SLC24A3: variants seen among roughly 807,000 people sequenced by gnomAD.
SLC24A3 encodes sodium/potassium/calcium exchanger 3.
SLC24A3 carries 28 observed loss-of-function variants against 75.8 expected under a neutral mutation model. The observed-to-expected ratio is 0.37, with a 90% confidence interval of 0.27 to 0.51. The LOEUF (loss-of-function observed/expected upper bound fraction) is 0.51, where lower values mean the gene tolerates loss of function less well. Among genes scored for constraint, SLC24A3 ranks in the 20% least tolerant of loss-of-function variants. The pLI is 0.94. For synonymous variants in SLC24A3, 372 were observed against 334.1 expected, an observed-to-expected ratio of 1.11 and a Z score of -1.24; for missense variants, 663 against 847.8, an observed-to-expected ratio of 0.78 and a Z score of 2.71.
At chr20:19,455,363 A>C (rs1259259317) in intron 2 of SLC24A3, among the ~76,000 whole-genome samples, 1 of 152,174 alleles carries the variant, frequency 6.6e-6, no homozygotes, top group Non-Finnish European at 1.5e-5. Context: ...GGTTAGATGG[A>C]TGAGATGTGA....
At chr20:19,413,232 G>A (rs1986775225) in intron 2 of SLC24A3, among the ~76,000 whole-genome samples, 2 of 152,154 alleles carry the variant, frequency 1.3e-5, no homozygotes, top group South Asian at 4.1e-4. Flanking sequence ...ACCATTTTCT[G>A]AAAACAGAAA....
chr20:19,663,793 GT>G (rs1484867672), intron 7 of SLC24A3, among the ~76,000 whole-genome samples: 1 of 152,054 alleles, frequency 6.6e-6, no homozygotes, highest in Non-Finnish European at 1.5e-5. Flanking sequence ...TTGTGCTCCT[GT>G]TTGGGGTCCC....
chr20:19,413,739 A>T (rs1195847702), intron 2 of SLC24A3, among the ~76,000 whole-genome samples: 2 of 152,222 alleles, frequency 1.3e-5, no homozygotes, highest in East Asian at 3.8e-4. Flanking sequence ...CCAGGACAGG[A>T]ATATTTTAGT....
At chr20:19,351,339 A>G (rs1985560533) in intron 2 of SLC24A3, among the ~76,000 whole-genome samples, 1 of 152,054 alleles carries the variant, frequency 6.6e-6, no homozygotes, top group Non-Finnish European at 1.5e-5. Flanking sequence ...TTTCACCTTC[A>G]CATCATCAGC....
intron 16 of SLC24A3, among the ~76,000 whole-genome samples, chr20:19,720,053 C>CTAACA (rs1177246237): frequency 1.6e-5 from 1 of 62,868 alleles, no homozygotes; most frequent in East Asian, 2.1e-3. Context: ...ATGAGTGACA[C>CTAACA]TAAGATAAGA....
intron 6 of SLC24A3, among the ~76,000 whole-genome samples, chr20:19,624,542 G>C (rs750183219): frequency 1.3e-4 from 20 of 152,052 alleles, no homozygotes; most frequent in Non-Finnish European, 2.4e-4. Flanking sequence ...CATGGTGATG[G>C]CAAAAATACA....
At position 19,212,975 on chromosome 20, in the gene SLC24A3, G is replaced by C; in HGVS notation, c.133G>C (p.Glu45Gln). 2 of 1,294,596 alleles carry C rather than the reference G, an allele frequency of 1.5e-6. No homozygotes were observed. Among genetic ancestry groups the C allele is most frequent in the Non-Finnish European group, 2.0e-6 (2 of 1,019,114 alleles). 80.2% of individuals were successfully genotyped at this position (1,294,596 alleles called of 1,614,324 possible). A position where few individuals can be genotyped will look rare whatever the true frequency, so the allele number is the denominator to read the frequency against. ...GCTCTGGTCGCTGTCGAGCCTGCGA[G>C]AGCAGAAGGGTGAGTGCACGCTGCC... ...LLLWSLSSLR[E>Q]QKELDLMDLV... Residue 45 changes from glutamate (E) to glutamine (Q), a missense_variant, in exon 1 of 17, where the codon GAG (glutamate) becomes CAG (glutamine). Around this residue, in one of 2 missense-constraint regions of SLC24A3, gnomAD observed 153 missense variants for 144.2 expected, o/e 1.06. Coordinates refer to ENST00000328041, the MANE Select transcript of SLC24A3 (RefSeq NM_020689.4).
chr20:19,514,614 G>A (rs1432518243), intron 2 of SLC24A3, among the ~76,000 whole-genome samples: 2 of 152,316 alleles, frequency 1.3e-5, no homozygotes, highest in East Asian at 3.9e-4. Flanking sequence ...CTATCGGAGG[G>A]ACCACAGGAG....
chr20:19,292,030 T>C (rs1287895767), intron 2 of SLC24A3, among the ~76,000 whole-genome samples: 2 of 152,188 alleles, frequency 1.3e-5, no homozygotes, highest in African/African-American at 4.8e-5. Flanking sequence ...TTGTAGGTAC[T>C]TCTGAGCAGA....
intron 2 of SLC24A3, among the ~76,000 whole-genome samples, chr20:19,396,883 G>A (rs748671910): frequency 6.6e-6 from 1 of 152,186 alleles, no homozygotes; most frequent in Non-Finnish European, 1.5e-5. Context: ...CCAACCTCAT[G>A]TGTGAATGTT....
In SLC24A3 at chr20:19,341,951, A is replaced by T. The variant is rs371853841; in HGVS notation, c.271+60864A>T. On this transcript the variant is annotated intron_variant, in intron 2 of 16. Transcript: ENST00000328041. ...TGCAATTCAGTGGCCACATTTGTAG[A>T]TACAATACCTATTTTTGAAGTATTT... Among the ~76,000 whole-genome samples, 30 of 152,332 alleles carry T rather than the reference A, an allele frequency of 2.0e-4. No individual in the cohort carries two copies. In the East Asian group the frequency reaches 5.2e-3, roughly 26 times the overall value.
chr20:19,665,714 G>A, intron 7 of SLC24A3, 150 bp from the exon 8 acceptor site: 1 of 1,032,420 alleles, frequency 9.7e-7, no homozygotes, highest in East Asian at 2.7e-5. Context: ...TTACCCACAG[G>A]GACTCCAGGT....
chr20:19,598,353 C>A (rs1173429187), intron 6 of SLC24A3, among the ~76,000 whole-genome samples: 1 of 152,140 alleles, frequency 6.6e-6, no homozygotes, highest in Non-Finnish European at 1.5e-5. Context: ...GGTGTGCAGA[C>A]CATCTAGGGC....
intron 1 of SLC24A3, among the ~76,000 whole-genome samples, chr20:19,231,366 A>G (rs1043263284): frequency 4.6e-5 from 7 of 152,192 alleles, no homozygotes; most frequent in African/African-American, 1.4e-4. Context: ...GATGGAATTC[A>G]GGTTGCAAGT....
rs759295794 is a variant in SLC24A3, at chr20:19,589,827, A to G, written c.612+4283A>G. Among the ~76,000 whole-genome samples the G allele has an allele frequency of 2.0e-5, 3 of 152,272 alleles. No individual in the cohort carries two copies. In the East Asian group the frequency reaches 5.8e-4, roughly 29 times the overall value. On this transcript the variant is annotated intron_variant, in intron 6 of 16. Coordinates refer to ENST00000328041, the MANE Select transcript of SLC24A3 (RefSeq NM_020689.4). Reference sequence around the variant, plus strand: ...TATCATCCTTCTTTACAGGCAAGGAAATGGATACTGGGGGATTCAGTATTC... The same window carrying G: ...TATCATCCTTCTTTACAGGCAAGGAGATGGATACTGGGGGATTCAGTATTC...
intron 1 of SLC24A3, among the ~76,000 whole-genome samples, chr20:19,218,212 T>A (rs538476061): frequency 6.6e-6 from 1 of 152,312 alleles, no homozygotes; most frequent in African/African-American, 2.4e-5. Context: ...TCAGCTGACA[T>A]GGATTTTATT....
chr20:19,537,209 G>C (rs957633350), intron 3 of SLC24A3, among the ~76,000 whole-genome samples: 1 of 152,140 alleles, frequency 6.6e-6, no homozygotes, highest in Non-Finnish European at 1.5e-5. Flanking sequence ...ATCAAAAAGT[G>C]GGCGAAGGAT....
At chr20:19,288,439 C>G (rs1434009371) in intron 2 of SLC24A3, among the ~76,000 whole-genome samples, 1 of 152,098 alleles carries the variant, frequency 6.6e-6, no homozygotes, top group African/African-American at 2.4e-5. Flanking sequence ...TAAAAGCAGC[C>G]CAGGCAGCCT....
intron 15 of SLC24A3, among the ~76,000 whole-genome samples, chr20:19,710,116 G>A (rs2032972968): frequency 6.6e-6 from 1 of 152,300 alleles, no homozygotes; most frequent in African/African-American, 2.4e-5. Flanking sequence ...AAGAAAATGT[G>A]AAATGACATG....
Sources: allele counts gnomAD v4.1 joint callset (sites outside exome capture counted in the v4.1 genomes callset), GRCh38; gene constraint gnomAD v4.1.1; regional missense constraint gnomAD v4.1.1; transcripts MANE v1.5; gene names NCBI Gene and HGNC (gene_info 2026-07-23, HGNC 2026-07-21).